ANKRD28: variants seen among roughly 807,000 people sequenced by gnomAD.
ANKRD28 encodes the protein ankyrin repeat domain 28.
A neutral mutation model predicts 126.5 loss-of-function variants in ANKRD28; 44 were observed. The ratio of observed to expected loss-of-function variants is 0.35; its 90% CI spans 0.27 to 0.45. The LOEUF (loss-of-function observed/expected upper bound fraction) is 0.45, where lower values mean the gene tolerates loss of function less well. ANKRD28 is among the 20% of genes least tolerant of loss of function. The pLI, the probability that ANKRD28 is intolerant of heterozygous loss-of-function variation, is 1.00. For missense variants in ANKRD28, 1,110 were observed against 1,316.6 expected (o/e 0.84, Z 2.43); for synonymous variants, 442 against 468.5 (o/e 0.94, Z 0.73).
intron 4 of ANKRD28, among the ~76,000 whole-genome samples, chr3:15,750,139 T>C (rs2057768834): frequency 6.6e-6 from 1 of 152,244 alleles, no homozygotes; most frequent in Non-Finnish European, 1.5e-5. Context: ...TTTTGGTCTG[T>C]TTTACAACTT....
chr3:15,770,068 A>G (rs2058926157), intron 2 of ANKRD28, among the ~76,000 whole-genome samples: 1 of 151,992 alleles, frequency 6.6e-6, no homozygotes, highest in Non-Finnish European at 1.5e-5. Flanking sequence ...TGTACCTTAT[A>G]GGCACTAGAA....
intron 1 of ANKRD28, among the ~76,000 whole-genome samples, chr3:15,806,965 G>A (rs957023022): frequency 6.6e-6 from 1 of 152,138 alleles, no homozygotes; most frequent in Non-Finnish European, 1.5e-5. Context: ...TAAACAAAGG[G>A]ATTATCATCA....
chr3:15,835,267 G>C (rs2061297386), intron 1 of ANKRD28, among the ~76,000 whole-genome samples: 1 of 152,194 alleles, frequency 6.6e-6, no homozygotes, highest in African/African-American at 2.4e-5. Context: ...TAAGCAATCT[G>C]TTCATCCTAT....
intron 14 of ANKRD28, among the ~76,000 whole-genome samples, chr3:15,707,438 G>A (rs773688288): frequency 5.9e-5 from 9 of 152,220 alleles, no homozygotes; most frequent in Non-Finnish European, 8.8e-5. Flanking sequence ...TACCTACTAC[G>A]TACCAGATTC....
rs1202968424 is a variant in ANKRD28, at chr3:15,846,348, A to G, written c.27+13029T>C. Among the ~76,000 whole-genome samples the G allele has an allele frequency of 5.3e-5, 8 of 152,210 alleles. 1 individual carries two copies. The highest frequency in any genetic ancestry group is 5.2e-4 in the Admixed American group (8 of 15,278). ...GCAGTCATTAAATCTTAAAGCTCCA[A>G]AATAATCTCCTTTGACTCCATGTCT... On this transcript the variant is annotated intron_variant, in intron 1 of 27. Transcript: ENST00000399451. This position sits in a 1 kb window ranked among gnomAD's most constrained non-coding sequence, Gnocchi z 5.4.
At chr3:15,671,562 A>C (rs2066353748) in intron 27 of ANKRD28, among the ~76,000 whole-genome samples, 1 of 150,722 alleles carries the variant, frequency 6.6e-6, no homozygotes, top group South Asian at 2.1e-4. Context: ...TTCAACTTGG[A>C]GTCATAAACA....
chr3:15,690,187 A>G lies in ANKRD28; in HGVS notation c.1795T>C (p.Leu599=), dbSNP rs745550481. Reference sequence around the variant, plus strand: ...TCAAGATCTAACAAAGACTGTACCAACACTTCCAGTGCTTGATGGTGACCA... The same window carrying G: ...TCAAGATCTAACAAAGACTGTACCAGCACTTCCAGTGCTTGATGGTGACCA... The part of the protein sequence containing the change: ...YHGHHQALEV[L]VQSLLDLDVR... The change falls in exon 18 of 28, where the codon TTG becomes CTG. Residue 599 remains leucine, a synonymous_variant. Transcript: ENST00000683139. 1.2e-6 allele frequency: 2 copies of G among 1,606,612 alleles called. No individual in the cohort carries two copies. Among genetic ancestry groups the G allele is most frequent in the East Asian group, 4.5e-5 (2 of 44,684 alleles).
At chr3:15,691,625 G>A (rs1001264938) in intron 17 of ANKRD28, among the ~76,000 whole-genome samples, 14 of 152,294 alleles carry the variant, frequency 9.2e-5, no homozygotes, top group Non-Finnish European at 7.4e-5. Flanking sequence ...AACTTGCTCT[G>A]GGCCTCACTG....
At chr3:15,782,552 GTGGA>G (rs1362716418) in intron 2 of ANKRD28, among the ~76,000 whole-genome samples, 2 of 152,052 alleles carry the variant, frequency 1.3e-5, no homozygotes, top group East Asian at 3.9e-4. Flanking sequence ...GAGTGGCTAA[GTGGA>G]ACTAAATTTG....
intron 3 of ANKRD28, among the ~76,000 whole-genome samples, chr3:15,753,758 C>T (rs745502957): frequency 6.6e-6 from 1 of 152,098 alleles, no homozygotes; most frequent in Non-Finnish European, 1.5e-5. Flanking sequence ...GCCTGGCCAA[C>T]ATGGTGAAAC....
chr3:15,813,296 G>A (rs2060761254), intron 1 of ANKRD28, among the ~76,000 whole-genome samples: 1 of 152,052 alleles, frequency 6.6e-6, no homozygotes, highest in Non-Finnish European at 1.5e-5. Flanking sequence ...AGCCCGGCAG[G>A]TTGAGGCTGC....
In ANKRD28 at chr3:15,854,628, T is replaced by C. The variant is rs992058021; in HGVS notation, c.27+4749A>G. Among the ~76,000 whole-genome samples, 1 of 152,216 alleles carries C rather than the reference T, an allele frequency of 6.6e-6. No individual in the cohort carries two copies. The highest frequency in any genetic ancestry group is 2.4e-5 in the African/African-American group (1 of 41,468). On this transcript the variant is annotated intron_variant, in intron 1 of 27. Transcript: ENST00000399451. This position sits in a 1 kb window ranked among gnomAD's most constrained non-coding sequence, Gnocchi z 4.1. ...TCCACATGTTTTCCTTCAGCCTCTA[T>C]AAGTCTCTTCATGTGATGTATCTCA... is the stretch of plus-strand genomic sequence containing the variant.
At chr3:15,764,851 A>AC (rs1575592735) in intron 3 of ANKRD28, among the ~76,000 whole-genome samples, 1 of 152,208 alleles carries the variant, frequency 6.6e-6, no homozygotes, top group African/African-American at 2.4e-5. Context: ...AAAGAAGCTA[A>AC]CAAAATATTA....
rs2073691057 is a variant in ANKRD28, at chr3:15,721,241, C to G, written c.784-114G>C. 9 of 847,968 alleles carry G rather than the reference C, an allele frequency of 1.1e-5. No individual in the cohort carries two copies. The South Asian group carries it at 1.5e-4, about 14-fold the overall frequency. The allele number at this position is 847,968 out of a possible 1,614,324, so 52.5% of individuals were successfully genotyped here. Reference sequence around the variant, plus strand: ...AAATTACTAAAGTGAGAAACGGAGACAAGATAAGTACAGAGATAAGGCTTA... The same window carrying G: ...AAATTACTAAAGTGAGAAACGGAGAGAAGATAAGTACAGAGATAAGGCTTA... On this transcript the variant is annotated intron_variant, in intron 7 of 27. Transcript: ENST00000683139.
chr3:15,676,863 GCTT>G, intron 26 of ANKRD28, 108 bp downstream of exon 26: 1 of 746,418 alleles, frequency 1.3e-6, no homozygotes. Flanking sequence ...TATTAAAATT[GCTT>G]CTATGACTAA....
chr3:15,754,325 C>T (rs1035889718), intron 3 of ANKRD28, among the ~76,000 whole-genome samples: 5 of 152,184 alleles, frequency 3.3e-5, no homozygotes, highest in African/African-American at 7.2e-5. Flanking sequence ...ATGGGACCCT[C>T]TTGATTATCA....
chr3:15,817,264 G>GT lies in ANKRD28; in HGVS notation c.28-21959dup, dbSNP rs34924790. Among the ~76,000 whole-genome samples, 93,273 of 150,602 alleles carry GT rather than the reference G, an allele frequency of 0.62. 30,168 individuals carry two copies. The highest frequency in any genetic ancestry group is 0.91 in the East Asian group (4,670 of 5,152). On this transcript the variant is annotated intron_variant, in intron 1 of 27. Transcript: ENST00000399451. The surrounding 1 kb of genome is among the most constrained non-coding windows in gnomAD (Gnocchi z 4.5). ...TTATCTTGTCAGTAGAAGTACCATG[G>GT]TTTTTTTTTCCTTGTTATTTTGTTT...
intron 1 of ANKRD28, among the ~76,000 whole-genome samples, chr3:15,858,943 C>T (rs1222066298): frequency 6.6e-6 from 1 of 152,220 alleles, no homozygotes; most frequent in African/African-American, 2.4e-5. Flanking sequence ...GCCTTTAACC[C>T]GGAGAGAGAG....
intron 15 of ANKRD28, among the ~76,000 whole-genome samples, chr3:15,695,525 C>T (rs148729155): frequency 1.8e-4 from 27 of 152,066 alleles, no homozygotes; most frequent in Non-Finnish European, 3.1e-4. Flanking sequence ...ATTTTATTTC[C>T]CCTTGAAGGG....
Sources: allele counts gnomAD v4.1 joint callset (sites outside exome capture counted in the v4.1 genomes callset), GRCh38; gene constraint gnomAD v4.1.1; non-coding constraint Gnocchi (gnomAD v3.1); transcripts MANE v1.5; gene names NCBI Gene and HGNC (gene_info 2026-07-23, HGNC 2026-07-21).